DOP1A: variants seen among roughly 807,000 people sequenced by gnomAD.
DOP1A encodes the protein DOP1 leucine zipper like protein A.
In DOP1A, 90 loss-of-function variants were observed where a neutral mutation model predicts 267.6. The ratio of observed to expected loss-of-function variants is 0.34; its 90% CI spans 0.28 to 0.40. The LOEUF (loss-of-function observed/expected upper bound fraction) is 0.40, where lower values mean the gene tolerates loss of function less well. Ranked by LOEUF, DOP1A falls within the 10% of genes least tolerant of loss-of-function variation. DOP1A has a pLI of 1.00. For synonymous variants in DOP1A, 932 were observed against 999.1 expected, an observed-to-expected ratio of 0.93 and a Z score of 1.27; for missense variants, 2,437 against 2,900.4, an observed-to-expected ratio of 0.84 and a Z score of 3.67.
At chr6:83,102,157 T>G (rs559062191) in intron 4 of DOP1A, among the ~76,000 whole-genome samples, 1 of 152,246 alleles carries the variant, frequency 6.6e-6, no homozygotes, top group Non-Finnish European at 1.5e-5. Flanking sequence ...TCTTCTCCTA[T>G]TGACCTGACC....
At chr6:83,109,500 T>C (rs1774187103) in intron 5 of DOP1A, among the ~76,000 whole-genome samples, 1 of 152,168 alleles carries the variant, frequency 6.6e-6, no homozygotes, top group Non-Finnish European at 1.5e-5. Context: ...TAAAATAATA[T>C]AACAGGACAT....
At chr6:83,120,226 A>G (rs1445842126) in intron 9 of DOP1A, among the ~76,000 whole-genome samples, 1 of 151,916 alleles carries the variant, frequency 6.6e-6, no homozygotes, top group Non-Finnish European at 1.5e-5. Context: ...ATTCAATTAT[A>G]TTTATTTAAG....
Position 83,139,075 on chromosome 6 carries a change from T to C in DOP1A, c.5033T>C (p.Val1678Ala). The C allele has an allele frequency of 1.2e-6, 2 of 1,613,804 alleles. No individual in the cohort carries two copies. Among genetic ancestry groups the C allele is most frequent in the Non-Finnish European group, 1.7e-6 (2 of 1,179,810 alleles). The change falls in exon 21 of 39, where the codon GTG becomes GCG. Residue 1678 changes from valine to alanine, a missense_variant. This residue lies in a region of DOP1A where 307 missense variants were observed against 308.6 expected (regional missense o/e 0.99). Transcript: ENST00000349129. The part of the protein sequence containing the change: ...LPYMGKVLQR[V>A]VVSVTLQLCR... The stretch of plus-strand genomic sequence containing the variant: ...TACATGGGAAAAGTTCTGCAGAGAG[T>C]GGTTGTTTCTGTGACACTACAACTG...
Position 83,140,236 on chromosome 6 carries a change from G to A in DOP1A, c.5248G>A (p.Asp1750Asn). 1 of 1,612,354 alleles carries A rather than the reference G, an allele frequency of 6.2e-7. No individual in the cohort carries two copies. The highest frequency in any genetic ancestry group is 1.1e-5 in the South Asian group (1 of 90,880). ...CTGTTAATAGCTTTTGGTCAGTGTA[G>A]ACCAGAAACACTTGTTTGAAGCACG... ...TQYHQLLVSV[D>N]QKHLFEARSG... The change falls in exon 23 of 39, where the codon GAC (aspartate) becomes AAC (asparagine). Residue 1750 changes from aspartate (D) to asparagine (N), a missense_variant. Coordinates refer to ENST00000349129, the MANE Select transcript of DOP1A (RefSeq NM_015018.4).
chr6:83,122,102 T>A (rs1160276215), intron 11 of DOP1A, 52 bp downstream of exon 11: 1 of 1,585,866 alleles, frequency 6.3e-7, no homozygotes, highest in Non-Finnish European at 8.6e-7. Context: ...TGTATTCACT[T>A]AATATAAACT....
chr6:83,120,858 G>T, intron 10 of DOP1A, 67 bp downstream of exon 10: 1 of 1,192,144 alleles, frequency 8.4e-7, no homozygotes, highest in South Asian at 2.2e-5. Context: ...AAAATAAAAA[G>T]AGTCATCAGG....
intron 6 of DOP1A, among the ~76,000 whole-genome samples, chr6:83,111,562 T>C (rs1052837102): frequency 6.6e-6 from 1 of 152,044 alleles, no homozygotes; most frequent in Non-Finnish European, 1.5e-5. Context: ...TTTATTATAG[T>C]CCTCCCAGTG....
At chr6:83,141,488 G>T (rs1041758318) in intron 23 of DOP1A, among the ~76,000 whole-genome samples, 1 of 152,212 alleles carries the variant, frequency 6.6e-6, no homozygotes, top group African/African-American at 2.4e-5. Context: ...TGGGAAAAGG[G>T]TAAGGGTGGG....
intron 23 of DOP1A, 67 bp downstream of exon 23, chr6:83,140,470 G>T: frequency 8.2e-7 from 1 of 1,213,578 alleles, no homozygotes; most frequent in Admixed American, 2.5e-5. Flanking sequence ...ATTATATTCA[G>T]AATATGTGAA....
intron 26 of DOP1A, among the ~76,000 whole-genome samples, chr6:83,147,569 T>A (rs1780824049): frequency 6.6e-6 from 1 of 152,178 alleles, no homozygotes; most frequent in African/African-American, 2.4e-5. Flanking sequence ...AGTAATTCAT[T>A]CTGCTTTTTT....
rs770675627 is a variant in DOP1A at position 83,108,897 on chromosome 6, A to AT, written c.321-6dup. 1.4e-5 allele frequency: 22 copies of AT among 1,602,720 alleles called. 1 individual carries two copies. In the East Asian group the frequency reaches 3.8e-4, roughly 28 times the overall value. On this transcript the variant is annotated splice_polypyrimidine_tract_variant and intron_variant, in intron 4 of 38. Coordinates refer to ENST00000349129, the MANE Select transcript of DOP1A (RefSeq NM_015018.4). ...TTTTGCTTCCTTCTCCTTTGTCTTTATTTTTTTAATAGTTCTGGATTATTT... is the reference window on the plus strand; with the variant it reads ...TTTTGCTTCCTTCTCCTTTGTCTTTATTTTTTTTAATAGTTCTGGATTATTT...
At chr6:83,153,746 A>T in intron 31 of DOP1A, 126 bp downstream of exon 31, 1 of 1,167,170 alleles carries the variant, frequency 8.6e-7, no homozygotes, top group Non-Finnish European at 1.2e-6. Context: ...ATAATTGTTT[A>T]AAAAAATTCA....
At position 83,168,239 on chromosome 6, in the gene DOP1A, T is replaced by C; in HGVS notation, c.*72T>C. ...AAAACACACACACTGCTCTGCGTTG[T>C]ATAGTTTTTCCTTTTTTGTATGTAA... On this transcript the variant is annotated 3_prime_UTR_variant, in exon 39 of 39. Transcript: ENST00000349129. 1 of 1,494,320 alleles carries C rather than the reference T, an allele frequency of 6.7e-7. No individual in the cohort carries two copies. Among genetic ancestry groups the C allele is most frequent in the Non-Finnish European group, 8.8e-7 (1 of 1,130,176 alleles). The allele number at this position is 1,494,320 out of a possible 1,614,324, so 92.6% of individuals were successfully genotyped here. A position where few individuals can be genotyped will look rare whatever the true frequency, so the allele number is the denominator to read the frequency against.
At chr6:83,145,096 C>A in intron 24 of DOP1A, among the ~76,000 whole-genome samples, 2 of 113,724 alleles carry the variant, frequency 1.8e-5, no homozygotes, top group Non-Finnish European at 3.4e-5. Flanking sequence ...GAGCAAGACC[C>A]CATCTCAAAA....
At chr6:83,144,888 T>C (rs916793971) in intron 24 of DOP1A, among the ~76,000 whole-genome samples, 1 of 151,024 alleles carries the variant, frequency 6.6e-6, no homozygotes, top group Non-Finnish European at 1.5e-5. Flanking sequence ...CCTTTATTGA[T>C]GAAAAATAAA....
Position 83,147,368 on chromosome 6 carries a change from A to G in DOP1A, c.5732+77A>G, listed in dbSNP as rs1488659263. 6.6e-6 allele frequency: 5 copies of G among 759,442 alleles called. No homozygotes were observed. In the African/African-American group the frequency reaches 9.0e-5, roughly 14 times the overall value. The allele number at this position is 759,442 out of a possible 1,614,324, so 47.0% of individuals were successfully genotyped here. A position where few individuals can be genotyped will look rare whatever the true frequency, so the allele number is the denominator to read the frequency against. On this transcript the variant is annotated intron_variant, in intron 26 of 38. Transcript: ENST00000349129. Reference sequence around the variant, plus strand: ...ACATTATTTATGGATATATTAATATAAGTAATGAGTGTCTTAACGACCCAG... The same window carrying G: ...ACATTATTTATGGATATATTAATATGAGTAATGAGTGTCTTAACGACCCAG...
At chr6:83,169,624 C>T (rs945869933), downstream of DOP1A, 76 of 461,858 alleles carry the variant, frequency 1.6e-4, 1 homozygote, top group African/African-American at 1.5e-3. Context: ...ATTGGCCTAA[C>T]AGTAAGTAAG....
At chr6:83,156,935 C>T (rs1045972237) in intron 34 of DOP1A, among the ~76,000 whole-genome samples, 8 of 152,144 alleles carry the variant, frequency 5.3e-5, no homozygotes, top group African/African-American at 1.9e-4. Flanking sequence ...TTAGAGTAAA[C>T]ATTTTAAACT....
At position 83,136,030 on chromosome 6, in the gene DOP1A, A is replaced by G. The variant is rs1778817266; in HGVS notation, c.3130+152A>G. ...CTCATGCACTAGCAATGCTGTGTGG[A>G]CCATGTCAGAATGTACTTTGTCAAT... On this transcript the variant is annotated intron_variant, in intron 20 of 38. Transcript: ENST00000349129. 6 of 944,246 alleles carry G rather than the reference A, an allele frequency of 6.4e-6. No individual in the cohort carries two copies. The East Asian group carries it at 1.6e-4, about 25-fold the overall frequency. The allele number at this position is 944,246 out of a possible 1,614,324, so 58.5% of individuals were successfully genotyped here.
Sources: allele counts gnomAD v4.1 joint callset (sites outside exome capture counted in the v4.1 genomes callset), GRCh38; gene constraint gnomAD v4.1.1; regional missense constraint gnomAD v4.1.1; transcripts MANE v1.5; gene names NCBI Gene and HGNC (gene_info 2026-07-23, HGNC 2026-07-21).